The following GALNTL6 variants were observed in gnomAD, a reference collection of about 807,000 sequenced individuals.
GALNTL6 encodes the protein polypeptide N-acetylgalactosaminyltransferase like 6, also known as polypeptide N-acetylgalactosaminyltransferase-like 6.
GALNTL6 carries 46 observed loss-of-function variants against 73.7 expected under a neutral mutation model. That is an observed-to-expected ratio of 0.62 (90% confidence interval 0.49 to 0.80). The LOEUF (loss-of-function observed/expected upper bound fraction) is 0.80, where lower values mean the gene tolerates loss of function less well. GALNTL6 is among the 30% of genes least tolerant of loss of function. The pLI, the probability that GALNTL6 is intolerant of heterozygous loss-of-function variation, is 0.00. For synonymous variants in GALNTL6, 259 were observed against 263.7 expected, an observed-to-expected ratio of 0.98 and a Z score of 0.17; for missense variants, 604 against 755.0, an observed-to-expected ratio of 0.80 and a Z score of 2.34.
chr4:172,192,703 C>A (rs1735623910), intron 2 of GALNTL6, among the ~76,000 whole-genome samples: 1 of 152,212 alleles, frequency 6.6e-6, no homozygotes, highest in Non-Finnish European at 1.5e-5. Context: ...TGAGCTCATG[C>A]CACCAGGGCC....
intron 10 of GALNTL6, among the ~76,000 whole-genome samples, chr4:172,960,088 G>T (rs1404274755): frequency 6.6e-6 from 1 of 152,224 alleles, no homozygotes; most frequent in Non-Finnish European, 1.5e-5. Flanking sequence ...GTCAGGAGCA[G>T]ATTAGGTAAT....
chr4:172,513,145 T>A (rs368432042), intron 5 of GALNTL6, among the ~76,000 whole-genome samples: 3 of 152,114 alleles, frequency 2.0e-5, no homozygotes, highest in African/African-American at 4.8e-5. Context: ...TTGTTCATAT[T>A]TTTTTTAATT....
chr4:172,607,213 G>A (rs773492119), intron 5 of GALNTL6, among the ~76,000 whole-genome samples: 2 of 151,992 alleles, frequency 1.3e-5, no homozygotes, highest in Non-Finnish European at 2.9e-5. Flanking sequence ...CTCTCATGAG[G>A]GTTTGGTGTA....
intron 5 of GALNTL6, among the ~76,000 whole-genome samples, chr4:172,644,630 C>T (rs973827909): frequency 6.6e-6 from 1 of 151,712 alleles, no homozygotes; most frequent in African/African-American, 2.4e-5. Context: ...TTGTCCATTC[C>T]ATTGATAAAT....
At chr4:172,393,757 T>C (rs1315388005) in intron 5 of GALNTL6, among the ~76,000 whole-genome samples, 1 of 152,218 alleles carries the variant, frequency 6.6e-6, no homozygotes, top group African/African-American at 2.4e-5. Context: ...CTACTTTTAT[T>C]ACGTGCTTTA....
At chr4:171,868,320 C>T (rs911440087) in intron 2 of GALNTL6, among the ~76,000 whole-genome samples, 7 of 152,116 alleles carry the variant, frequency 4.6e-5, no homozygotes, top group Admixed American at 3.9e-4. Flanking sequence ...CCATTTTAAG[C>T]TTTCTTCATG....
At chr4:172,270,375 A>G (rs1182868181) in intron 3 of GALNTL6, among the ~76,000 whole-genome samples, 2 of 152,174 alleles carry the variant, frequency 1.3e-5, no homozygotes, top group African/African-American at 4.8e-5. Context: ...AAGAAGTGAT[A>G]CAGTCCTCTT....
At chr4:172,440,296 C>T (rs1305359214) in intron 5 of GALNTL6, among the ~76,000 whole-genome samples, 4 of 151,826 alleles carry the variant, frequency 2.6e-5, no homozygotes, top group South Asian at 2.1e-4. Flanking sequence ...GAATATTATT[C>T]GGTGCTAAAA....
At chr4:171,984,024 C>T (rs1409721156) in intron 2 of GALNTL6, among the ~76,000 whole-genome samples, 1 of 152,152 alleles carries the variant, frequency 6.6e-6, no homozygotes, top group Admixed American at 6.5e-5. Flanking sequence ...CAACCCCAGC[C>T]CGGGCTGTTA....
At chr4:172,857,969 A>T (rs1374187505) in intron 7 of GALNTL6, among the ~76,000 whole-genome samples, 2 of 152,134 alleles carry the variant, frequency 1.3e-5, no homozygotes, top group Non-Finnish European at 2.9e-5. Context: ...TTAAACATGG[A>T]GTTCACTTAA....
intron 2 of GALNTL6, among the ~76,000 whole-genome samples, chr4:172,039,195 T>A (rs116479351): frequency 0.012 from 1,767 of 152,310 alleles, 34 homozygotes; most frequent in African/African-American, 0.039. Flanking sequence ...GAGTGTTGAC[T>A]TTTTTGTTTG....
In GALNTL6 at chr4:171,917,035, C is replaced by T. The variant is rs145027632; in HGVS notation, c.138+102317C>T. ...AATAAATACAACAGAATTTCTACCC[C>T]GTGTATCTCTTCAGGGCCATCAGGG... On this transcript the variant is annotated intron_variant, in intron 2 of 12. Coordinates refer to ENST00000506823, the MANE Select transcript of GALNTL6 (RefSeq NM_001034845.3). Among the ~76,000 whole-genome samples, 234 of 152,132 alleles carry T rather than the reference C, an allele frequency of 1.5e-3. 1 individual carries two copies. The highest frequency in any genetic ancestry group is 0.01 in the Admixed American group (153 of 15,256).
chr4:172,422,583 T>C (rs971194215), intron 5 of GALNTL6, among the ~76,000 whole-genome samples: 1 of 151,968 alleles, frequency 6.6e-6, no homozygotes, highest in Non-Finnish European at 1.5e-5. Context: ...CTTGGTGATA[T>C]GTAGTCTGCT....
At chr4:173,039,814 A>G in intron 12 of GALNTL6, 119 bp from the exon 13 acceptor site, 1 of 780,618 alleles carries the variant, frequency 1.3e-6, no homozygotes, top group East Asian at 2.8e-5. Context: ...GAGCTGTTCT[A>G]TTTACACAAT....
chr4:172,947,051 G>A (rs1334339485), intron 9 of GALNTL6, among the ~76,000 whole-genome samples: 2 of 152,092 alleles, frequency 1.3e-5, no homozygotes, highest in East Asian at 3.9e-4. Context: ...GACAGAAGGA[G>A]GAAATTTTAG....
chr4:171,818,324 C>G (rs181940175), intron 2 of GALNTL6, among the ~76,000 whole-genome samples: 31 of 151,712 alleles, frequency 2.0e-4, no homozygotes, highest in Admixed American at 7.2e-4. Context: ...AAATCTAGCA[C>G]CAAATACTTT....
rs147036648 is a variant in GALNTL6 at position 172,321,499 on chromosome 4, G to T, written c.386+9747G>T. On this transcript the variant is annotated intron_variant, in intron 4 of 12. Transcript: ENST00000506823. ...TCAGAGATTAAATATAACAGAAAAAGACTTCAAACTAGCCATCATCAATAC... is the reference window on the plus strand; with the variant it reads ...TCAGAGATTAAATATAACAGAAAAATACTTCAAACTAGCCATCATCAATAC... 7.9e-5 allele frequency among the ~76,000 whole-genome samples: 12 copies of T among 152,126 alleles called. No homozygotes were observed. In the East Asian group the frequency reaches 1.4e-3, roughly 17 times the overall value.
chr4:172,343,218 T>C (rs978477459), intron 4 of GALNTL6, among the ~76,000 whole-genome samples: 2 of 152,222 alleles, frequency 1.3e-5, no homozygotes, highest in Non-Finnish European at 1.5e-5. Context: ...ATTGAAATAT[T>C]CAAACATTTT....
intron 7 of GALNTL6, among the ~76,000 whole-genome samples, chr4:172,842,538 T>C (rs1743267992): frequency 6.6e-6 from 1 of 152,128 alleles, no homozygotes; most frequent in South Asian, 2.1e-4. Flanking sequence ...TTTTAAGGCA[T>C]TGATGCAAAT....
Sources: gnomAD v4.1 joint callset for allele counts (sites outside exome capture counted in the v4.1 genomes callset) on GRCh38, gnomAD v4.1.1 for gene constraint, MANE v1.5 for transcripts, NCBI Gene and HGNC (gene_info 2026-07-23, HGNC 2026-07-21) for gene names.